Variants in NLRC5 observed in about 807,000 individuals in gnomAD.
NLRC5 encodes the protein protein NLRC5.
NLRC5 carries 114 observed loss-of-function variants against 206.9 expected under a neutral mutation model. The observed-to-expected ratio is 0.55, with a 90% CI of 0.47 to 0.64. The LOEUF (loss-of-function observed/expected upper bound fraction) is 0.64. NLRC5 is among the 30% of genes least tolerant of loss of function. The pLI is 0.00. For synonymous variants in NLRC5, 952 were observed against 962.8 expected, an observed-to-expected ratio of 0.99 and a Z score of 0.21; for missense variants, 2,008 against 2,305.5, an observed-to-expected ratio of 0.87 and a Z score of 2.64.
chr16:57,020,631 C>G, intron 2 of NLRC5, 70 bp from the exon 3 acceptor site: 1 of 852,100 alleles, frequency 1.2e-6, no homozygotes, highest in South Asian at 1.9e-5. Flanking sequence ...CCAAGTTCCC[C>G]TGTCCCTCAG....
chr16:56,994,235 GGAGGGAGGTTAGCCACA>G lies in NLRC5; in HGVS notation c.-128+4626_-128+4642del, dbSNP rs564910841. Among the ~76,000 whole-genome samples, 290 of 152,208 alleles carry G rather than the reference GGAGGGAGGTTAGCCACA, an allele frequency of 1.9e-3. 2 individuals carry two copies. The highest frequency in any genetic ancestry group is 6.3e-3 in the African/African-American group (262 of 41,524). On this transcript the variant is annotated intron_variant, in intron 1 of 48. Transcript: ENST00000688547. ...GGAGAAGAAAGGAAGGAGAGAAGGT[GGAGGGAGGTTAGCCACA>G]GAGGGAGATGACTCCCAGAAACTTC...
At chr16:57,018,462 G>A (rs1397006267) in intron 2 of NLRC5, among the ~76,000 whole-genome samples, 1 of 152,236 alleles carries the variant, frequency 6.6e-6, no homozygotes, top group Non-Finnish European at 1.5e-5. Context: ...GAGGATCATG[G>A]TGTGAGCATG....
intron 2 of NLRC5, among the ~76,000 whole-genome samples, chr16:57,019,548 TAACAGAAGTCCAA>T (rs2060441390): frequency 1.3e-5 from 2 of 152,242 alleles, no homozygotes. Flanking sequence ...CCCTGCCATG[TAACAGAAGTCCAA>T]AGTCAGTGAG....
chr16:57,003,492 T>A (rs1400180408), intron 1 of NLRC5, among the ~76,000 whole-genome samples: 1 of 152,150 alleles, frequency 6.6e-6, no homozygotes, highest in Non-Finnish European at 1.5e-5. Context: ...TCTGCCCGGA[T>A]GCCCCCACTC....
At chr16:57,061,311 C>T in intron 30 of NLRC5, 137 bp from the exon 31 acceptor site, 1 of 753,062 alleles carries the variant, frequency 1.3e-6, no homozygotes, top group East Asian at 2.7e-5. Flanking sequence ...GCATATTTGG[C>T]CTCTCAGGCC....
chr16:57,055,138 GGACCA>G (rs1368023147), intron 26 of NLRC5, 44 bp downstream of exon 26: 13 of 1,605,246 alleles, frequency 8.1e-6, no homozygotes, highest in Non-Finnish European at 1.1e-5. Context: ...TTGATGTTGG[GGACCA>G]GTAGATCTGC....
Position 57,061,445 on chromosome 16 carries a change from C to A in NLRC5, c.3987-3C>A. Reference sequence around the variant, plus strand: ...AGGCTCTGCCCTGGCTTTCTGCCCTCAGGCTAAGTGAGTGCAGCTTCCGGC... The same window carrying A: ...AGGCTCTGCCCTGGCTTTCTGCCCTAAGGCTAAGTGAGTGCAGCTTCCGGC... On this transcript the variant is annotated splice_polypyrimidine_tract_variant and splice_region_variant and intron_variant, in intron 30 of 48. Coordinates refer to ENST00000688547, the MANE Select transcript of NLRC5 (RefSeq NM_001384950.1). 1 of 1,610,752 alleles carries A rather than the reference C, an allele frequency of 6.2e-7. No homozygotes were observed. The highest frequency in any genetic ancestry group is 8.5e-7 in the Non-Finnish European group (1 of 1,179,752).
In NLRC5 at chr16:57,066,628, C is replaced by G. The variant is rs776638344; in HGVS notation, c.4322+14C>G. ...TGTGGCACTCAGGTGGGACCCAGCA[C>G]CAGGGACCCCAAGGCAGGGGCTGGT... On this transcript the variant is annotated intron_variant, in intron 34 of 48. Coordinates refer to ENST00000688547, the MANE Select transcript of NLRC5 (RefSeq NM_001384950.1). 6.2e-7 allele frequency: 1 copy of G among 1,609,758 alleles called. No individual in the cohort carries two copies. Among genetic ancestry groups the G allele is most frequent in the Non-Finnish European group, 8.5e-7 (1 of 1,176,300 alleles).
chr16:57,000,989 A>G (rs1404704015), intron 1 of NLRC5, among the ~76,000 whole-genome samples: 5 of 152,184 alleles, frequency 3.3e-5, no homozygotes, highest in African/African-American at 1.2e-4. Flanking sequence ...TACAATGGGC[A>G]CAGCATAGAC....
At chr16:56,998,540 G>T (rs140600501) in intron 1 of NLRC5, among the ~76,000 whole-genome samples, 4 of 152,320 alleles carry the variant, frequency 2.6e-5, no homozygotes, top group African/African-American at 7.2e-5. Context: ...TTGAGGCCCA[G>T]AGAGGCTATG....
chr16:57,014,134 A>T, intron 1 of NLRC5: 1 of 185,828 alleles, frequency 5.4e-6, no homozygotes, highest in South Asian at 1.0e-4. Flanking sequence ...GCCTTGGGAA[A>T]CATCATCATG....
chr16:57,023,660 C>T, intron 4 of NLRC5, 125 bp from the exon 5 acceptor site: 1 of 696,796 alleles, frequency 1.4e-6, no homozygotes, highest in Non-Finnish European at 2.5e-6. Context: ...TTTCCAGTCC[C>T]TGCATGTGGG....
rs2067175694 is a variant in NLRC5, at chr16:57,067,277, T to C, written c.4323-110T>C. 1.9e-5 allele frequency: 17 copies of C among 875,468 alleles called. 1 individual carries two copies. The Admixed American group carries it at 3.3e-4, about 17-fold the overall frequency. 54.2% of individuals were successfully genotyped at this position (875,468 alleles called of 1,614,324 possible). On this transcript the variant is annotated intron_variant, in intron 34 of 48. Coordinates refer to ENST00000688547, the MANE Select transcript of NLRC5 (RefSeq NM_001384950.1). ...GTGAATAGCAAACTGTAGGACTTCA[T>C]TTGATCAGCATTTATTTACCCCTAC...
At chr16:57,038,310 G>T (rs1380311060) in intron 15 of NLRC5, among the ~76,000 whole-genome samples, 1 of 152,150 alleles carries the variant, frequency 6.6e-6, no homozygotes, top group Admixed American at 6.5e-5. Flanking sequence ...CAAGGCTGGA[G>T]TACAGTGACA....
At chr16:57,050,241 G>A (rs1452243017) in intron 23 of NLRC5, among the ~76,000 whole-genome samples, 1 of 152,206 alleles carries the variant, frequency 6.6e-6, no homozygotes, top group Non-Finnish European at 1.5e-5. Context: ...AGTCCTGACT[G>A]TGCCTCAGGG....
intron 1 of NLRC5, among the ~76,000 whole-genome samples, chr16:57,016,738 G>A (rs558661343): frequency 6.6e-6 from 1 of 152,210 alleles, no homozygotes; most frequent in Non-Finnish European, 1.5e-5. Context: ...CTGAATAAAT[G>A]AGCAGTAATA....
intron 5 of NLRC5, 133 bp from the exon 6 acceptor site, chr16:57,025,235 A>G (rs2061157603): frequency 1.2e-5 from 17 of 1,422,472 alleles, no homozygotes; most frequent in African/African-American, 1.4e-5. Context: ...GGTGCTCTTG[A>G]CACCCCCACC....
intron 16 of NLRC5, 141 bp from the exon 17 acceptor site, chr16:57,040,509 T>C: frequency 1.4e-6 from 1 of 720,570 alleles, no homozygotes; most frequent in South Asian, 1.6e-5. Flanking sequence ...AACCAGGAAG[T>C]GGAGAAGCCA....
chr16:57,031,266 C>T lies in NLRC5; in HGVS notation c.2418-138C>T, dbSNP rs1039921442. ...TGATTTAAAACACTTTTGCTAGTTC[C>T]GTTATGTTTCCCTGTCAATTGCAAA... On this transcript the variant is annotated intron_variant, in intron 10 of 48. Transcript: ENST00000688547. The T allele has an allele frequency of 1.0e-4, 85 of 822,348 alleles. No individual in the cohort carries two copies. The Middle Eastern group carries it at 1.4e-3, about 14-fold the overall frequency. The allele number at this position is 822,348 out of a possible 1,614,324, so 50.9% of individuals were successfully genotyped here.
Sources: allele counts gnomAD v4.1 joint callset (sites outside exome capture counted in the v4.1 genomes callset), GRCh38; gene constraint gnomAD v4.1.1; transcripts MANE v1.5; gene names NCBI Gene and HGNC (gene_info 2026-07-23, HGNC 2026-07-21).